The following MEGF8 variants were observed in gnomAD, a reference collection of about 807,000 sequenced individuals.
MEGF8 encodes the protein multiple EGF like domains 8.
MEGF8 carries 156 observed loss-of-function variants against 302.9 expected under a neutral mutation model. The observed-to-expected ratio is 0.52, with a 90% CI of 0.45 to 0.59. The LOEUF is 0.59. MEGF8 is among the 20% of genes least tolerant of loss of function. The pLI, the probability that MEGF8 is intolerant of heterozygous loss-of-function variation, is 0.00. For missense variants in MEGF8, 3,345 were observed against 3,964.5 expected, an observed-to-expected ratio of 0.84 and a Z score of 4.20; for synonymous variants, 1,621 against 1,660.5, an observed-to-expected ratio of 0.98 and a Z score of 0.58.
At position 42,356,458 on chromosome 19, in the gene MEGF8, G is replaced by T; in HGVS notation, c.4622+5G>T. 1 of 1,587,594 alleles carries T rather than the reference G, an allele frequency of 6.3e-7. No homozygotes were observed. Among genetic ancestry groups the T allele is most frequent in the Non-Finnish European group, 8.6e-7 (1 of 1,167,600 alleles). ...GCTGCTGGGAAACCTGTACAGGTGA[G>T]GACTGCCCTGGGCAGGTGGGATTCG... is the stretch of plus-strand genomic sequence containing the variant. On this transcript the variant is annotated splice_donor_5th_base_variant and intron_variant, in intron 26 of 41. Coordinates refer to ENST00000251268, the MANE Select transcript of MEGF8 (RefSeq NM_001271938.2). This position sits in a 1 kb window ranked among gnomAD's most constrained non-coding sequence, Gnocchi z 5.2.
Position 42,349,512 on chromosome 19 carries a change from G to A in MEGF8, c.2312G>A (p.Arg771His), listed in dbSNP as rs751917185. 21 of 1,611,446 alleles carry A rather than the reference G, an allele frequency of 1.3e-5. No individual in the cohort carries two copies. The African/African-American group carries it at 1.5e-4, about 11-fold the overall frequency. Residue 771 changes from arginine (R) to histidine (H), a missense_variant, in exon 14 of 42, where the codon CGC (arginine) becomes CAC (histidine). Physicochemically the swap from Arg to His is conservative, Grantham distance 29 (BLOSUM62 0). Coordinates refer to ENST00000251268, the MANE Select transcript of MEGF8 (RefSeq NM_001271938.2). ...PDTENMEEVG[R>H]WVAHQEKETR... ...CACCTACCCCAGGAGGAGGTGGGGC[G>A]CTGGGTGGCTCATCAGGAGAAGGAG...
chr19:42,364,158 C>T (rs1013467330), intron 35 of MEGF8, among the ~76,000 whole-genome samples: 3 of 152,108 alleles, frequency 2.0e-5, no homozygotes, highest in Non-Finnish European at 4.4e-5. Flanking sequence ...CCTAGGCAGG[C>T]ATGTGTGTAC....
intron 35 of MEGF8, among the ~76,000 whole-genome samples, chr19:42,366,393 G>T (rs1956427678): frequency 6.6e-6 from 1 of 152,096 alleles, no homozygotes; most frequent in African/African-American, 2.4e-5. Context: ...TAGAGACTGG[G>T]TGTCACCATA....
Position 42,334,214 on chromosome 19 carries a change from G to C in MEGF8, c.558+1G>C. 6.3e-7 allele frequency: 1 copy of C among 1,590,520 alleles called. No individual in the cohort carries two copies. Among genetic ancestry groups the C allele is most frequent in the Non-Finnish European group, 8.6e-7 (1 of 1,167,770 alleles). ...TGGCAGCCACGGCACCTGCGCCTCG[G>C]TGAGCCGGTCCCCAGCCCTGTTTCC... On this transcript the variant is annotated splice_donor_variant, in intron 3 of 41. Coordinates refer to ENST00000251268, the MANE Select transcript of MEGF8 (RefSeq NM_001271938.2). LOFTEE classifies it high-confidence loss of function.
intron 12 of MEGF8, among the ~76,000 whole-genome samples, chr19:42,346,057 C>T (rs1258672953): frequency 6.6e-6 from 1 of 152,140 alleles, no homozygotes; most frequent in Non-Finnish European, 1.5e-5. Flanking sequence ...CTTGCCACCA[C>T]ACTCGGCTAA....
Position 42,362,135 on chromosome 19 carries a change from G to A in MEGF8, c.5766G>A (p.Pro1922=), listed in dbSNP as rs571282039. The change falls in exon 33 of 42, where the codon CCG becomes CCA. Residue 1922 remains proline (P), a synonymous_variant. Transcript: ENST00000251268. ...GSPCSPMPRS[P]EECRRLRTCS... ...CCTGCTCCCCAATGCCTCGCTCCCC[G>A]GAGGAATGTCGACGTCTCCGGACCT... 58 of 1,612,290 alleles carry A rather than the reference G, an allele frequency of 3.6e-5. No homozygotes were observed. The highest frequency in any genetic ancestry group is 2.0e-4 in the South Asian group (18 of 90,750).
At position 42,362,578 on chromosome 19, in the gene MEGF8, G is replaced by T; in HGVS notation, c.6039G>T (p.Thr2013=). Residue 2013 remains threonine, a synonymous_variant, in exon 34 of 42, where the codon ACG becomes ACT. Transcript: ENST00000251268. The part of the protein sequence containing the change: ...QCTREGKCMW[T]RQFKRTGETR... ...CGCGGGAGGGCAAGTGCATGTGGAC[G>T]CGGCAGTTCAAGAGGACAGGTGAGC... The T allele has an allele frequency of 1.2e-6, 2 of 1,611,080 alleles. No homozygotes were observed. Among genetic ancestry groups the T allele is most frequent in the East Asian group, 2.2e-5 (1 of 44,844 alleles).
Position 42,354,003 on chromosome 19 carries a change from C to T in MEGF8, c.3990C>T (p.Pro1330=), listed in dbSNP as rs141015952. Residue 1330 remains proline, a synonymous_variant, in exon 22 of 42, where the codon CCC becomes CCT. Transcript: ENST00000251268. This position sits in a 1 kb window ranked among gnomAD's most constrained non-coding sequence, Gnocchi z 4.3. Reference sequence around the variant, plus strand: ...CCCCACTCACCCTCACCTTCTCCCCCGACAGCAGCACCCCCTGCACGGTGA... The same window carrying T: ...CCCCACTCACCCTCACCTTCTCCCCTGACAGCAGCACCCCCTGCACGGTGA... ...LCPPLTLTFS[P]DSSTPCTLSY... 1.8e-5 allele frequency: 28 copies of T among 1,586,418 alleles called. No homozygotes were observed. The highest frequency in any genetic ancestry group is 4.1e-5 in the African/African-American group (3 of 74,000).
intron 9 of MEGF8, 76 bp downstream of exon 9, chr19:42,343,707 A>T: frequency 6.8e-7 from 1 of 1,476,570 alleles, no homozygotes. Context: ...GGGGAAAGGC[A>T]GGAGGGGATC....
At position 42,354,124 on chromosome 19, in the gene MEGF8, T is replaced by G; in HGVS notation, c.4011+100T>G. ...CCCTGACCCTAGTATTGCTGTTTTT[T>G]TTTTTTTGTTTTTTTAATCCTTCAA... is the stretch of plus-strand genomic sequence containing the variant. On this transcript the variant is annotated intron_variant, in intron 22 of 41. Coordinates refer to ENST00000251268, the MANE Select transcript of MEGF8 (RefSeq NM_001271938.2). The surrounding 1 kb of genome is among the most constrained non-coding windows in gnomAD (Gnocchi z 4.3). The G allele has an allele frequency of 2.9e-6, 4 of 1,388,858 alleles. No individual in the cohort carries two copies. Among genetic ancestry groups the G allele is most frequent in the Non-Finnish European group, 3.8e-6 (4 of 1,056,336 alleles). 86.0% of individuals were successfully genotyped at this position (1,388,858 alleles called of 1,614,324 possible).
chr19:42,351,604 G>T lies in MEGF8; in HGVS notation c.2987+44G>T. The T allele has an allele frequency of 6.2e-7, 1 of 1,601,706 alleles. No individual in the cohort carries two copies. Among genetic ancestry groups the T allele is most frequent in the East Asian group, 2.3e-5 (1 of 44,068 alleles). ...GGCTAACAGAGGAAGATTCCCCACC[G>T]GCAAGGGGCTGGGGCTCTGACCCCC... On this transcript the variant is annotated intron_variant, in intron 17 of 41. Transcript: ENST00000251268. The surrounding 1 kb of genome is among the most constrained non-coding windows in gnomAD (Gnocchi z 5.6).
rs1438305896 is a variant in MEGF8 at position 42,368,494 on chromosome 19, G to A, written c.6313G>A (p.Gly2105Arg). The change falls in exon 36 of 42, where the codon GGA becomes AGA. Residue 2105 changes from glycine (G) to arginine (R), a missense_variant. Physicochemically the swap from Gly to Arg is moderately radical, Grantham distance 125. Transcript: ENST00000251268. The surrounding 1 kb of genome is among the most constrained non-coding windows in gnomAD (Gnocchi z 4.9). ...PSYLPLRCMA[G>R]GCGRLLRGPE... ...CTACCTGCCCCTGCGATGTATGGCC[G>A]GAGGCTGTGGGCGGCTGCTCCGGGG... The A allele has an allele frequency of 3.1e-6, 5 of 1,609,762 alleles. No homozygotes were observed. Among genetic ancestry groups the A allele is most frequent in the East Asian group, 2.2e-5 (1 of 44,784 alleles).
At chr19:42,363,333 G>A in intron 35 of MEGF8, 71 bp downstream of exon 35, 6 of 1,338,060 alleles carry the variant, frequency 4.5e-6, no homozygotes, top group Non-Finnish European at 6.2e-6. Flanking sequence ...CGCTGGCAGG[G>A]ACCTTTCTTC....
chr19:42,341,070 G>T (rs1258305554), intron 8 of MEGF8, among the ~76,000 whole-genome samples: 1 of 152,072 alleles, frequency 6.6e-6, no homozygotes, highest in Non-Finnish European at 1.5e-5. Flanking sequence ...GGCTCAAGCA[G>T]TCCTCCCACC....
chr19:42,358,108 G>A lies in MEGF8; in HGVS notation c.5012-36G>A. On this transcript the variant is annotated intron_variant, in intron 28 of 41. Coordinates refer to ENST00000251268, the MANE Select transcript of MEGF8 (RefSeq NM_001271938.2). This position sits in a 1 kb window ranked among gnomAD's most constrained non-coding sequence, Gnocchi z 4.4. ...GTCGGCGGGGTCAGTGCTGTTGTCAGCCCCTCCCCCAGCCTGTCACCCTGC... is the reference window on the plus strand; with the variant it reads ...GTCGGCGGGGTCAGTGCTGTTGTCAACCCCTCCCCCAGCCTGTCACCCTGC... 2.0e-6 allele frequency: 3 copies of A among 1,492,254 alleles called. No homozygotes were observed. Among genetic ancestry groups the A allele is most frequent in the Non-Finnish European group, 2.7e-6 (3 of 1,122,718 alleles). 92.4% of individuals were successfully genotyped at this position (1,492,254 alleles called of 1,614,324 possible). A position where few individuals can be genotyped will look rare whatever the true frequency, so the allele number is the denominator to read the frequency against.
Position 42,354,074 on chromosome 19 carries a change from C to T in MEGF8, c.4011+50C>T. ...CAGGCGCATGAGCCAGAACCGTGTC[C>T]CCTGACCCAGCCTGCATCCTCAGAC... is the stretch of plus-strand genomic sequence containing the variant. On this transcript the variant is annotated intron_variant, in intron 22 of 41. Transcript: ENST00000251268. The surrounding 1 kb of genome is among the most constrained non-coding windows in gnomAD (Gnocchi z 4.3). 6.5e-7 allele frequency: 1 copy of T among 1,543,504 alleles called. No homozygotes were observed. The highest frequency in any genetic ancestry group is 8.7e-7 in the Non-Finnish European group (1 of 1,144,078).
At chr19:42,371,130 C>T (rs1568577366) in intron 40 of MEGF8, among the ~76,000 whole-genome samples, 1 of 152,024 alleles carries the variant, frequency 6.6e-6, no homozygotes, top group Non-Finnish European at 1.5e-5. Context: ...CTTTCCATCT[C>T]CTTCTTTCTG....
Position 42,344,104 on chromosome 19 carries a change from T to C in MEGF8, c.1788+31T>C, listed in dbSNP as rs761191965. ...TGACAGCCCTAGACCCTCTGTTCCC[T>C]AGCATAGAGACCTGCCCTCAGTGTC... is the stretch of plus-strand genomic sequence containing the variant. On this transcript the variant is annotated intron_variant, in intron 10 of 41. Coordinates refer to ENST00000251268, the MANE Select transcript of MEGF8 (RefSeq NM_001271938.2). This position sits in a 1 kb window ranked among gnomAD's most constrained non-coding sequence, Gnocchi z 4.5. The C allele has an allele frequency of 6.2e-7, 1 of 1,608,808 alleles. No individual in the cohort carries two copies. Among genetic ancestry groups the C allele is most frequent in the Admixed American group, 1.7e-5 (1 of 59,454 alleles).
In MEGF8 at chr19:42,344,340, T is replaced by G. The variant is rs2039257183; in HGVS notation, c.1789-101T>G. The G allele has an allele frequency of 6.8e-7, 1 of 1,465,144 alleles. No homozygotes were observed. Among genetic ancestry groups the G allele is most frequent in the Admixed American group, 2.3e-5 (1 of 44,384 alleles). The allele number at this position is 1,465,144 out of a possible 1,614,324, so 90.8% of individuals were successfully genotyped here. ...AAGTCAACTCCCCGTTCTTCAGTTT[T>G]TTCGCCCTTTCCATCGCAGGACCCT... On this transcript the variant is annotated intron_variant, in intron 10 of 41. Transcript: ENST00000251268. This position sits in a 1 kb window ranked among gnomAD's most constrained non-coding sequence, Gnocchi z 4.5.
Sources: gnomAD v4.1 joint callset for allele counts (sites outside exome capture counted in the v4.1 genomes callset) on GRCh38, gnomAD v4.1.1 for gene constraint, Gnocchi (gnomAD v3.1) non-coding constraint, MANE v1.5 for transcripts, NCBI Gene and HGNC (gene_info 2026-07-23, HGNC 2026-07-21) for gene names.